The following DPYD variants were observed in gnomAD, a reference collection of about 807,000 sequenced individuals.
DPYD encodes dihydropyrimidine dehydrogenase.
Under a neutral mutation model 116.2 loss-of-function variants are expected in DPYD, and 109 were observed. That is an observed-to-expected ratio of 0.94 (90% CI 0.80 to 1.10). The LOEUF (loss-of-function observed/expected upper bound fraction) is 1.10, where lower values mean the gene tolerates loss of function less well. DPYD is among the 50% of genes least tolerant of loss of function. The pLI is 0.00. For synonymous variants in DPYD, 440 were observed against 432.0 expected (o/e 1.02, Z -0.23); for missense variants, 1,302 against 1,254.5 (o/e 1.04, Z -0.57).
At chr1:97,831,523 T>C (rs1405501742) in intron 2 of DPYD, among the ~76,000 whole-genome samples, 1 of 152,118 alleles carries the variant, frequency 6.6e-6, no homozygotes, top group African/African-American at 2.4e-5. Context: ...TATAGGACTG[T>C]CCCAGAATAC....
In DPYD at chr1:97,406,390, T is replaced by TGTTA. The variant is rs1313965645; in HGVS notation, c.1906-23930_1906-23929insTAAC. Among the ~76,000 whole-genome samples, 3 of 150,274 alleles carry TGTTA rather than the reference T, an allele frequency of 2.0e-5. No individual in the cohort carries two copies. The East Asian group carries it at 5.9e-4, about 29-fold the overall frequency. On this transcript the variant is annotated intron_variant, in intron 14 of 22. Coordinates refer to ENST00000370192, the MANE Select transcript of DPYD (RefSeq NM_000110.4). ...TTCTTTTTCTTCAGACATCAGGAAT[T>TGTTA]TTTATTTATTTATTTATTTATTTTT... is the stretch of plus-strand genomic sequence containing the variant.
At chr1:97,262,857 T>C (rs968085862) in intron 18 of DPYD, among the ~76,000 whole-genome samples, 4 of 152,058 alleles carry the variant, frequency 2.6e-5, no homozygotes, top group East Asian at 1.9e-4. Context: ...ACTGTGAACA[T>C]GATAAGGGCT....
chr1:97,840,225 G>A (rs1164115246), intron 2 of DPYD, among the ~76,000 whole-genome samples: 4 of 151,800 alleles, frequency 2.6e-5, no homozygotes, highest in African/African-American at 9.7e-5. Context: ...AAATTATAAA[G>A]TGTTTTTTTA....
At chr1:97,085,707 A>G (rs949839686) in intron 21 of DPYD, among the ~76,000 whole-genome samples, 3 of 152,198 alleles carry the variant, frequency 2.0e-5, no homozygotes, top group Non-Finnish European at 4.4e-5. Flanking sequence ...GTTGGCTGAA[A>G]GATGCATAAA....
chr1:97,182,829 T>G (rs1426116282), intron 20 of DPYD, among the ~76,000 whole-genome samples: 1 of 152,166 alleles, frequency 6.6e-6, no homozygotes, highest in Non-Finnish European at 1.5e-5. Flanking sequence ...GTCCTTATTA[T>G]AGATTTTCCA....
intron 21 of DPYD, among the ~76,000 whole-genome samples, chr1:97,085,504 T>A (rs2101566614): frequency 6.6e-6 from 1 of 152,354 alleles, no homozygotes; most frequent in Admixed American, 6.5e-5. Context: ...TACAATTTTT[T>A]AAGAAAATTA....
intron 18 of DPYD, among the ~76,000 whole-genome samples, chr1:97,297,135 A>C (rs1666584817): frequency 6.6e-6 from 1 of 152,166 alleles, no homozygotes; most frequent in Non-Finnish European, 1.5e-5. Context: ...CTGTATATAA[A>C]AATCTTCAGT....
At chr1:97,179,492 T>C (rs1657502738) in intron 20 of DPYD, among the ~76,000 whole-genome samples, 1 of 152,006 alleles carries the variant, frequency 6.6e-6, no homozygotes, top group Non-Finnish European at 1.5e-5. Flanking sequence ...TGGTATAAAA[T>C]TGATAAGTAG....
chr1:97,628,775 T>C (rs1657086006), intron 8 of DPYD, among the ~76,000 whole-genome samples: 2 of 152,076 alleles, frequency 1.3e-5, no homozygotes, highest in Admixed American at 1.3e-4. Context: ...ATAGAATTAG[T>C]AAATACGAAT....
chr1:97,910,262 T>C (rs1388397811), intron 1 of DPYD, among the ~76,000 whole-genome samples: 2 of 152,198 alleles, frequency 1.3e-5, no homozygotes, highest in African/African-American at 4.8e-5. Context: ...TGTTTGAAAA[T>C]GTGTTTACAA....
At chr1:97,171,235 G>A (rs2101769566) in intron 20 of DPYD, among the ~76,000 whole-genome samples, 2 of 152,264 alleles carry the variant, frequency 1.3e-5, no homozygotes, top group East Asian at 1.9e-4. Context: ...TGATGCCAAT[G>A]ATGAAAGGTT....
At chr1:97,529,788 TC>T (rs1557776069) in intron 12 of DPYD, among the ~76,000 whole-genome samples, 21 of 138,390 alleles carry the variant, frequency 1.5e-4, no homozygotes, top group African/African-American at 6.6e-4. Flanking sequence ...TTTCTCTTTT[TC>T]TTTTTTCCCT....
At chr1:97,783,036 A>G (rs1369807427) in intron 3 of DPYD, among the ~76,000 whole-genome samples, 1 of 152,220 alleles carries the variant, frequency 6.6e-6, no homozygotes, top group Non-Finnish European at 1.5e-5. Context: ...ACCAAATGCT[A>G]GCTGTTATAA....
In DPYD at chr1:97,313,176, C is replaced by G. The variant is rs79823668; in HGVS notation, c.2059-6879G>C. Among the ~76,000 whole-genome samples, 1,149 of 151,956 alleles carry G rather than the reference C, an allele frequency of 7.6e-3. 13 individuals are homozygous for G. The highest frequency in any genetic ancestry group is 0.027 in the African/African-American group (1,106 of 41,506). ...TATTTCAGAGCATGTAGCGCAGAAC[C>G]TGACACATAGTAGGCATTCAACAGT... On this transcript the variant is annotated intron_variant, in intron 16 of 22. Coordinates refer to ENST00000370192, the MANE Select transcript of DPYD (RefSeq NM_000110.4).
chr1:97,885,279 C>A (rs907313890), intron 1 of DPYD, among the ~76,000 whole-genome samples: 5 of 151,826 alleles, frequency 3.3e-5, no homozygotes, highest in Non-Finnish European at 7.4e-5. Flanking sequence ...AGAGAACTAT[C>A]AAAAAGACCA....
intron 14 of DPYD, among the ~76,000 whole-genome samples, chr1:97,444,748 C>G (rs1675982395): frequency 6.6e-6 from 1 of 152,064 alleles, no homozygotes; most frequent in African/African-American, 2.4e-5. Context: ...AATATCCAAA[C>G]AGAATAGAGA....
intron 16 of DPYD, among the ~76,000 whole-genome samples, chr1:97,323,533 TACATATC>T (rs1668500897): frequency 1.6e-5 from 2 of 123,388 alleles, no homozygotes; most frequent in African/African-American, 5.9e-5. Context: ...CACATATATA[TACATATC>T]ATATATATAC....
At position 97,699,270 on chromosome 1, in the gene DPYD, T is replaced by C. The variant is rs557749978; in HGVS notation, c.680+81A>G. The C allele has an allele frequency of 1.4e-4, 201 of 1,396,336 alleles. No individual in the cohort carries two copies. The African/African-American group carries it at 2.6e-3, about 18-fold the overall frequency. 86.5% of individuals were successfully genotyped at this position (1,396,336 alleles called of 1,614,324 possible). On this transcript the variant is annotated intron_variant, in intron 6 of 22. Transcript: ENST00000370192. ...CATCTGTGAGCCTGAAGTTCCTATATGATTATGAACCAACAATATTCATAA... is the reference window on the plus strand; with the variant it reads ...CATCTGTGAGCCTGAAGTTCCTATACGATTATGAACCAACAATATTCATAA...
At position 97,819,629 on chromosome 1, in the gene DPYD, CA is replaced by C. The variant is rs938158628; in HGVS notation, c.233+8484del. ...ATTTTATTTATTTTATATTCTTCTTCAATGCCACTTTGATTTTTCCCTCATA... is the reference window on the plus strand; with the variant it reads ...ATTTTATTTATTTTATATTCTTCTTCATGCCACTTTGATTTTTCCCTCATA... On this transcript the variant is annotated intron_variant, in intron 3 of 22. Transcript: ENST00000370192. Among the ~76,000 whole-genome samples the C allele has an allele frequency of 1.5e-3, 233 of 152,082 alleles. 1 individual carries two copies. The highest frequency in any genetic ancestry group is 5.4e-3 in the African/African-American group (225 of 41,536).
Sources: allele counts gnomAD v4.1 joint callset (sites outside exome capture counted in the v4.1 genomes callset), GRCh38; gene constraint gnomAD v4.1.1; transcripts MANE v1.5; gene names NCBI Gene and HGNC (gene_info 2026-07-23, HGNC 2026-07-21).